Variants in FZD2 observed in about 807,000 individuals in gnomAD.
FZD2 encodes the protein frizzled class receptor 2.
A neutral mutation model predicts 36.7 loss-of-function variants in FZD2; 17 were observed. The observed-to-expected ratio is 0.46, with a 90% CI of 0.32 to 0.70. The LOEUF (loss-of-function observed/expected upper bound fraction) is 0.70, where lower values mean the gene tolerates loss of function less well. Among genes scored for constraint, FZD2 ranks in the 30% least tolerant of loss-of-function variants. The probability of loss-of-function intolerance (pLI) is 0.04; values close to 1 mark genes in which losing one functional copy is unlikely to be tolerated. For synonymous variants in FZD2, 333 were observed against 359.6 expected (o/e 0.93, Z 0.84); for missense variants, 525 against 805.6 (o/e 0.65, Z 4.22).
In FZD2 at chr17:44,557,983, G is replaced by A. The variant is rs1365920113; in HGVS notation, c.295G>A (p.Val99Met). Residue 99 changes from valine (V) to methionine (M), a missense_variant, in exon 1 of 1, where the codon GTG becomes ATG. By Grantham distance (21) the Val-to-Met change is conservative. Transcript: ENST00000315323. This position sits in a 1 kb window ranked among gnomAD's most constrained non-coding sequence, Gnocchi z 4.9. ...RFFLCSMYAP[V>M]CTVLEQAIPP... ...CTTCCTGTGCTCCATGTACGCACCCGTGTGCACCGTGCTGGAACAGGCCAT... is the reference window on the plus strand; with the variant it reads ...CTTCCTGTGCTCCATGTACGCACCCATGTGCACCGTGCTGGAACAGGCCAT... The A allele has an allele frequency of 6.2e-7, 1 of 1,614,008 alleles. No individual in the cohort carries two copies. Among genetic ancestry groups the A allele is most frequent in the Non-Finnish European group, 8.5e-7 (1 of 1,179,990 alleles).
chr17:44,558,756 C>A lies in FZD2; in HGVS notation c.1068C>A (p.Ala356=). The A allele has an allele frequency of 6.2e-7, 1 of 1,614,228 alleles. No individual in the cohort carries two copies. The highest frequency in any genetic ancestry group is 8.5e-7 in the Non-Finnish European group (1 of 1,180,038). The change falls in exon 1 of 1, where the codon GCC becomes GCA. Residue 356 remains alanine, a synonymous_variant. Coordinates refer to ENST00000315323, the MANE Select transcript of FZD2 (RefSeq NM_001466.4). The surrounding 1 kb of genome is among the most constrained non-coding windows in gnomAD (Gnocchi z 9.3). Reference sequence around the variant, plus strand: ...TGTCGCTCACCTGGTTCCTGGCAGCCGGCATGAAGTGGGGCCACGAGGCCA... The same window carrying A: ...TGTCGCTCACCTGGTTCCTGGCAGCAGGCATGAAGTGGGGCCACGAGGCCA... ...VILSLTWFLA[A]GMKWGHEAIE... is the part of the protein sequence containing the mutation.
chr17:44,560,935 C>T lies in FZD2; in HGVS notation c.*1549C>T, dbSNP rs748709108. ...TTCACCATATTGGCCAGGCTGGTCT[C>T]GAACTCCTGACCTCGTTATCTGCCT... On this transcript the variant is annotated 3_prime_UTR_variant, in exon 1 of 1. Coordinates refer to ENST00000315323, the MANE Select transcript of FZD2 (RefSeq NM_001466.4). Among the ~76,000 whole-genome samples the T allele has an allele frequency of 2.0e-5, 3 of 152,118 alleles. No individual in the cohort carries two copies. The highest frequency in any genetic ancestry group is 6.5e-5 in the Admixed American group (1 of 15,270).
Position 44,557,581 on chromosome 17 carries a change from G to A in FZD2, c.-108G>A, listed in dbSNP as rs1225063481. 2 of 702,630 alleles carry A rather than the reference G, an allele frequency of 2.8e-6. No individual in the cohort carries two copies. Among genetic ancestry groups the A allele is most frequent in the South Asian group, 6.3e-5 (2 of 31,600 alleles). The allele number at this position is 702,630 out of a possible 1,614,324, so 43.5% of individuals were successfully genotyped here. ...GCGAGTAAAGTTTGCAAAGAGGCGC[G>A]GGAGGCGGCAGCCGCAGCGAGGAGG... is the stretch of plus-strand genomic sequence containing the variant. On this transcript the variant is annotated 5_prime_UTR_variant, in exon 1 of 1. Coordinates refer to ENST00000315323, the MANE Select transcript of FZD2 (RefSeq NM_001466.4). The surrounding 1 kb of genome is among the most constrained non-coding windows in gnomAD (Gnocchi z 4.9).
Position 44,557,667 on chromosome 17 carries a change from C to A in FZD2, c.-22C>A. The A allele has an allele frequency of 1.6e-6, 2 of 1,223,486 alleles. No homozygotes were observed. Among genetic ancestry groups the A allele is most frequent in the East Asian group, 3.4e-5 (1 of 29,280 alleles). The allele number at this position is 1,223,486 out of a possible 1,614,324, so 75.8% of individuals were successfully genotyped here. A position where few individuals can be genotyped will look rare whatever the true frequency, so the allele number is the denominator to read the frequency against. On this transcript the variant is annotated 5_prime_UTR_variant, in exon 1 of 1. Coordinates refer to ENST00000315323, the MANE Select transcript of FZD2 (RefSeq NM_001466.4). The surrounding 1 kb of genome is among the most constrained non-coding windows in gnomAD (Gnocchi z 4.9). ...GGGGGCGGGGGGGGCGCCAAGGAGC[C>A]GGGTGGGGGGCGGCGGCCAGCATGC... is the stretch of plus-strand genomic sequence containing the variant.
Position 44,557,742 on chromosome 17 carries a change from C to G in FZD2, c.54C>G (p.Pro18=), listed in dbSNP as rs764033381. 8 of 1,607,258 alleles carry G rather than the reference C, an allele frequency of 5.0e-6. No homozygotes were observed. Among genetic ancestry groups the G allele is most frequent in the Non-Finnish European group, 6.8e-6 (8 of 1,177,880 alleles). The change falls in exon 1 of 1, where the codon CCC becomes CCG. Residue 18 remains proline (P), a synonymous_variant. Coordinates refer to ENST00000315323, the MANE Select transcript of FZD2 (RefSeq NM_001466.4). The surrounding 1 kb of genome is among the most constrained non-coding windows in gnomAD (Gnocchi z 4.9). The stretch of plus-strand genomic sequence containing the variant: ...TGCTGCTGCCGCTGCTGCTGCTGCC[C>G]GCCGCCGGGCCGGCCCAGTTCCACG... ...PRLLLPLLLL[P]AAGPAQFHGE... is the part of the protein sequence containing the mutation.
chr17:44,557,994 G>A lies in FZD2; in HGVS notation c.306G>A (p.Val102=). ...CCATGTACGCACCCGTGTGCACCGT[G>A]CTGGAACAGGCCATCCCGCCGTGCC... ...LCSMYAPVCT[V]LEQAIPPCRS... is the part of the protein sequence containing the mutation. The change falls in exon 1 of 1, where the codon GTG becomes GTA. Residue 102 remains valine (V), a synonymous_variant. Coordinates refer to ENST00000315323, the MANE Select transcript of FZD2 (RefSeq NM_001466.4). The surrounding 1 kb of genome is among the most constrained non-coding windows in gnomAD (Gnocchi z 4.9). 6.2e-7 allele frequency: 1 copy of A among 1,613,936 alleles called. No homozygotes were observed. Among genetic ancestry groups the A allele is most frequent in the Non-Finnish European group, 8.5e-7 (1 of 1,180,006 alleles).
At position 44,558,060 on chromosome 17, in the gene FZD2, C is replaced by G. The variant is rs771809455; in HGVS notation, c.372C>G (p.Leu124=). The G allele has an allele frequency of 6.2e-7, 1 of 1,611,294 alleles. No individual in the cohort carries two copies. The highest frequency in any genetic ancestry group is 8.5e-7 in the Non-Finnish European group (1 of 1,179,982). The change falls in exon 1 of 1, where the codon CTC becomes CTG. Residue 124 remains leucine (L), a synonymous_variant. Coordinates refer to ENST00000315323, the MANE Select transcript of FZD2 (RefSeq NM_001466.4). This position sits in a 1 kb window ranked among gnomAD's most constrained non-coding sequence, Gnocchi z 9.3. ...GCGCGCGCCAGGGCTGCGAAGCCCT[C>G]ATGAACAAGTTCGGTTTTCAGTGGC... ...CERARQGCEA[L]MNKFGFQWPE...
rs11413859 is a variant in FZD2, at chr17:44,560,015, G to GA, written c.*638dup. On this transcript the variant is annotated 3_prime_UTR_variant, in exon 1 of 1. Coordinates refer to ENST00000315323, the MANE Select transcript of FZD2 (RefSeq NM_001466.4). ...AAGTCCCAACAGAGATGAAGACGTG[G>GA]AAAAAAAAATCGGGGTCGGGGTGTG... Among the ~76,000 whole-genome samples the GA allele has an allele frequency of 0.21, 31,665 of 151,164 alleles. 3,628 individuals carry two copies. The highest frequency in any genetic ancestry group is 0.35 in the South Asian group (1,649 of 4,772).
In FZD2 at chr17:44,558,012, G is replaced by T. The variant is rs970636690; in HGVS notation, c.324G>T (p.Pro108=). Residue 108 remains proline, a synonymous_variant, in exon 1 of 1, where the codon CCG becomes CCT. Transcript: ENST00000315323. This position sits in a 1 kb window ranked among gnomAD's most constrained non-coding sequence, Gnocchi z 9.3. The stretch of plus-strand genomic sequence containing the variant: ...GCACCGTGCTGGAACAGGCCATCCC[G>T]CCGTGCCGCTCTATCTGTGAGCGCG... ...PVCTVLEQAI[P]PCRSICERAR... 2 of 1,613,654 alleles carry T rather than the reference G, an allele frequency of 1.2e-6. No homozygotes were observed. Among genetic ancestry groups the T allele is most frequent in the East Asian group, 4.5e-5 (2 of 44,860 alleles).
chr17:44,558,798 G>A lies in FZD2; in HGVS notation c.1110G>A (p.Gln370=). ...WGHEAIEANS[Q]YFHLAAWAVP... ...ACGAGGCCATCGAGGCCAACTCTCA[G>A]TACTTCCACCTGGCCGCCTGGGCCG... Residue 370 remains glutamine, a synonymous_variant, in exon 1 of 1, where the codon CAG becomes CAA. Coordinates refer to ENST00000315323, the MANE Select transcript of FZD2 (RefSeq NM_001466.4). The surrounding 1 kb of genome is among the most constrained non-coding windows in gnomAD (Gnocchi z 9.3). The A allele has an allele frequency of 6.2e-7, 1 of 1,614,224 alleles. No homozygotes were observed. The highest frequency in any genetic ancestry group is 8.5e-7 in the Non-Finnish European group (1 of 1,180,036).
chr17:44,559,211 C>T lies in FZD2; in HGVS notation c.1523C>T (p.Ala508Val), dbSNP rs138090948. 982 of 1,614,000 alleles carry T rather than the reference C, an allele frequency of 6.1e-4. 5 individuals carry two copies. The African/African-American group carries it at 9.5e-3, about 16-fold the overall frequency. ...HCKSLAIPCP[A>V]HYTPRMSPDF... ...AAGAGCCTGGCCATCCCGTGCCCGG[C>T]GCACTACACGCCGCGCATGTCGCCC... Residue 508 changes from alanine to valine, a missense_variant, in exon 1 of 1, where the codon GCG (alanine) becomes GTG (valine). Ala to Val is a moderately conservative substitution (Grantham distance 64). This residue lies in a region of FZD2 where 189 missense variants were observed against 298.1 expected (regional missense o/e 0.63). Transcript: ENST00000315323. The surrounding 1 kb of genome is among the most constrained non-coding windows in gnomAD (Gnocchi z 4.4).
Position 44,558,172 on chromosome 17 carries a change from G to A in FZD2, c.484G>A (p.Ala162Thr), listed in dbSNP as rs1970848726. Reference sequence around the variant, plus strand: ...GAACCACTCCGAGGACGGAGCTCCCGCGCTACTCACCACCGCGCCGCCGCC... The same window carrying A: ...GAACCACTCCGAGGACGGAGCTCCCACGCTACTCACCACCGCGCCGCCGCC... ...GQNHSEDGAP[A>T]LLTTAPPPGL... The change falls in exon 1 of 1, where the codon GCG becomes ACG. Residue 162 changes from alanine (A) to threonine (T), a missense_variant. Around this residue, in one of 5 missense-constraint regions of FZD2, gnomAD observed 257 missense variants for 344.4 expected, o/e 0.75. Coordinates refer to ENST00000315323, the MANE Select transcript of FZD2 (RefSeq NM_001466.4). This position sits in a 1 kb window ranked among gnomAD's most constrained non-coding sequence, Gnocchi z 9.3. 6.4e-7 allele frequency: 1 copy of A among 1,560,664 alleles called. No individual in the cohort carries two copies. Among genetic ancestry groups the A allele is most frequent in the East Asian group, 2.5e-5 (1 of 40,464 alleles).
chr17:44,557,572 AAG>A lies in FZD2; in HGVS notation c.-114_-113del. ...TCTGCGGCCGCGAGTAAAGTTTGCA[AAG>A]AGGCGCGGGAGGCGGCAGCCGCAGC... On this transcript the variant is annotated 5_prime_UTR_variant, in exon 1 of 1. Coordinates refer to ENST00000315323, the MANE Select transcript of FZD2 (RefSeq NM_001466.4). This position sits in a 1 kb window ranked among gnomAD's most constrained non-coding sequence, Gnocchi z 4.9. The A allele has an allele frequency of 1.5e-6, 1 of 662,326 alleles. No homozygotes were observed. The highest frequency in any genetic ancestry group is 2.2e-6 in the Non-Finnish European group (1 of 462,736). 41.0% of individuals were successfully genotyped at this position (662,326 alleles called of 1,614,324 possible).
In FZD2 at chr17:44,557,503, A is replaced by G. The variant is rs1171065569; in HGVS notation, c.-186A>G. The G allele has an allele frequency of 4.1e-6, 2 of 491,814 alleles. No individual in the cohort carries two copies. Among genetic ancestry groups the G allele is most frequent in the East Asian group, 1.1e-4 (2 of 18,088 alleles). The allele number at this position is 491,814 out of a possible 1,614,324, so 30.5% of individuals were successfully genotyped here. On this transcript the variant is annotated 5_prime_UTR_variant, in exon 1 of 1. Transcript: ENST00000315323. This position sits in a 1 kb window ranked among gnomAD's most constrained non-coding sequence, Gnocchi z 4.9. Reference sequence around the variant, plus strand: ...CTGCTCAGTCCGACCGCGGCAAGCAAGCGGGCAGGCGCACCGCCCCCTCCC... The same window carrying G: ...CTGCTCAGTCCGACCGCGGCAAGCAGGCGGGCAGGCGCACCGCCCCCTCCC...
chr17:44,559,070 G>A lies in FZD2; in HGVS notation c.1382G>A (p.Arg461His). The A allele has an allele frequency of 1.2e-6, 2 of 1,603,796 alleles. No homozygotes were observed. Among genetic ancestry groups the A allele is most frequent in the Non-Finnish European group, 1.7e-6 (2 of 1,175,382 alleles). Reference protein sequence around the residue: ...KTEKLERLMVRIGVFSVLYTV... With the variant: ...KTEKLERLMVHIGVFSVLYTV... ...GAAAAGCTGGAGCGGCTCATGGTGC[G>A]CATCGGCGTCTTCTCCGTGCTCTAC... Residue 461 changes from arginine (R) to histidine (H), a missense_variant, in exon 1 of 1, where the codon CGC becomes CAC. Arg to His is a conservative substitution (Grantham distance 29). Around this residue, in one of 5 missense-constraint regions of FZD2, gnomAD observed 189 missense variants for 298.1 expected, o/e 0.63. Transcript: ENST00000315323. This position sits in a 1 kb window ranked among gnomAD's most constrained non-coding sequence, Gnocchi z 4.4.
Position 44,557,725 on chromosome 17 carries a change from C to T in FZD2, c.37C>T (p.Pro13Ser). 2 of 1,599,724 alleles carry T rather than the reference C, an allele frequency of 1.3e-6. No homozygotes were observed. Among genetic ancestry groups the T allele is most frequent in the Non-Finnish European group, 8.5e-7 (1 of 1,174,498 alleles). Residue 13 changes from proline to serine, a missense_variant, in exon 1 of 1, where the codon CCG becomes TCG. Pro to Ser is a moderately conservative substitution (Grantham distance 74). Coordinates refer to ENST00000315323, the MANE Select transcript of FZD2 (RefSeq NM_001466.4). The surrounding 1 kb of genome is among the most constrained non-coding windows in gnomAD (Gnocchi z 4.9). Reference sequence around the variant, plus strand: ...CAGCGCCCTGCCCCGCCTGCTGCTGCCGCTGCTGCTGCTGCCCGCCGCCGG... The same window carrying T: ...CAGCGCCCTGCCCCGCCTGCTGCTGTCGCTGCTGCTGCTGCCCGCCGCCGG... ...PRSALPRLLL[P>S]LLLLPAAGPA...
chr17:44,558,011 C>A lies in FZD2; in HGVS notation c.323C>A (p.Pro108Gln), dbSNP rs746414947. Residue 108 changes from proline (P) to glutamine (Q), a missense_variant, in exon 1 of 1, where the codon CCG (proline) becomes CAG (glutamine). This residue lies in a region of FZD2 where 257 missense variants were observed against 344.4 expected (regional missense o/e 0.75). Transcript: ENST00000315323. The surrounding 1 kb of genome is among the most constrained non-coding windows in gnomAD (Gnocchi z 9.3). ...PVCTVLEQAI[P>Q]PCRSICERAR... ...TGCACCGTGCTGGAACAGGCCATCC[C>A]GCCGTGCCGCTCTATCTGTGAGCGC... The A allele has an allele frequency of 1.2e-6, 2 of 1,613,776 alleles. No individual in the cohort carries two copies. The highest frequency in any genetic ancestry group is 1.7e-6 in the Non-Finnish European group (2 of 1,180,020).
In FZD2 at chr17:44,558,087, C is replaced by A. The variant is rs1210295179; in HGVS notation, c.399C>A (p.Pro133=). 7 of 1,608,302 alleles carry A rather than the reference C, an allele frequency of 4.4e-6. No individual in the cohort carries two copies. The highest frequency in any genetic ancestry group is 5.9e-6 in the Non-Finnish European group (7 of 1,179,890). The part of the protein sequence containing the change: ...ALMNKFGFQW[P]ERLRCEHFPR... ...TGAACAAGTTCGGTTTTCAGTGGCC[C>A]GAGCGCCTGCGCTGCGAGCACTTCC... is the stretch of plus-strand genomic sequence containing the variant. The change falls in exon 1 of 1, where the codon CCC becomes CCA. Residue 133 remains proline (P), a synonymous_variant. Transcript: ENST00000315323. This position sits in a 1 kb window ranked among gnomAD's most constrained non-coding sequence, Gnocchi z 9.3.
Position 44,558,514 on chromosome 17 carries a change from C to G in FZD2, c.826C>G (p.Pro276Ala). 6.3e-7 allele frequency: 1 copy of G among 1,584,890 alleles called. No homozygotes were observed. The highest frequency in any genetic ancestry group is 8.6e-7 in the Non-Finnish European group (1 of 1,165,786). Residue 276 changes from proline (P) to alanine (A), a missense_variant, in exon 1 of 1, where the codon CCA (proline) becomes GCA (alanine). By Grantham distance (27) the Pro-to-Ala change is conservative (BLOSUM62 -1). This residue lies in a region of FZD2 where 257 missense variants were observed against 344.4 expected (regional missense o/e 0.75). Coordinates refer to ENST00000315323, the MANE Select transcript of FZD2 (RefSeq NM_001466.4). This position sits in a 1 kb window ranked among gnomAD's most constrained non-coding sequence, Gnocchi z 9.3. ...YLVDMQRFRY[P>A]ERPIIFLSGC... ...GGTAGACATGCAGCGCTTCCGCTAC[C>G]CAGAGCGGCCTATCATTTTTCTGTC...
Sources: allele counts gnomAD v4.1 joint callset (sites outside exome capture counted in the v4.1 genomes callset), GRCh38; gene constraint gnomAD v4.1.1; regional missense constraint gnomAD v4.1.1; non-coding constraint Gnocchi (gnomAD v3.1); transcripts MANE v1.5; gene names NCBI Gene and HGNC (gene_info 2026-07-23, HGNC 2026-07-21).